RALGPS2: variants seen among roughly 807,000 people sequenced by gnomAD.
RALGPS2 encodes Ral GEF with PH domain and SH3 binding motif 2.
Under a neutral mutation model 86.8 loss-of-function variants are expected in RALGPS2, and 43 were observed. That is an observed-to-expected ratio of 0.50 (90% CI 0.39 to 0.64). The LOEUF (loss-of-function observed/expected upper bound fraction) is 0.64. Ranked by LOEUF, RALGPS2 falls within the 30% of genes least tolerant of loss-of-function variation. The pLI is 0.00. For missense variants in RALGPS2, 536 were observed against 694.6 expected (o/e 0.77, Z 2.57); for synonymous variants, 243 against 231.3 (o/e 1.05, Z -0.46).
At chr1:178,750,961 A>T (rs1366784619) in intron 1 of RALGPS2, among the ~76,000 whole-genome samples, 2 of 152,180 alleles carry the variant, frequency 1.3e-5, no homozygotes, top group Non-Finnish European at 2.9e-5. Flanking sequence ...CACAGTATTC[A>T]TACTTTGGGG....
At chr1:178,767,468 G>A (rs1652564603) in intron 1 of RALGPS2, among the ~76,000 whole-genome samples, 1 of 148,292 alleles carries the variant, frequency 6.7e-6, no homozygotes, top group South Asian at 2.1e-4. Context: ...GTCTGCTCTT[G>A]GGTTGTGAAG....
At chr1:178,751,269 T>C (rs1252357748) in intron 1 of RALGPS2, among the ~76,000 whole-genome samples, 3 of 152,096 alleles carry the variant, frequency 2.0e-5, no homozygotes, top group Non-Finnish European at 4.4e-5. Context: ...TTACCATAAA[T>C]TTCCCTTCCA....
intron 6 of RALGPS2, among the ~76,000 whole-genome samples, chr1:178,819,375 C>T (rs1655390745): frequency 6.6e-6 from 1 of 152,168 alleles, no homozygotes; most frequent in South Asian, 2.1e-4. Context: ...CACTAAGGTT[C>T]ACAGCAGGCA....
chr1:178,756,446 T>C (rs895596204), intron 1 of RALGPS2, among the ~76,000 whole-genome samples: 1 of 152,212 alleles, frequency 6.6e-6, no homozygotes, highest in Non-Finnish European at 1.5e-5. Context: ...TTGTTAACTT[T>C]ATACAAGATC....
At chr1:178,824,604 C>G (rs1437036034) in intron 7 of RALGPS2, among the ~76,000 whole-genome samples, 1 of 151,968 alleles carries the variant, frequency 6.6e-6, no homozygotes, top group Non-Finnish European at 1.5e-5. Flanking sequence ...GTCAGGAGAT[C>G]CAGACCATCC....
chr1:178,791,622 C>T (rs923154557), intron 4 of RALGPS2, among the ~76,000 whole-genome samples: 1 of 152,192 alleles, frequency 6.6e-6, no homozygotes, highest in Non-Finnish European at 1.5e-5. Flanking sequence ...ATAATGTAGA[C>T]AGTTTCTGAG....
chr1:178,854,530 T>G (rs1259124891), intron 8 of RALGPS2, among the ~76,000 whole-genome samples: 1 of 152,154 alleles, frequency 6.6e-6, no homozygotes, highest in Admixed American at 6.6e-5. Context: ...CCCATGAGAA[T>G]ACATTTCAGG....
intron 8 of RALGPS2, chr1:178,865,712 C>G: frequency 6.2e-7 from 1 of 1,613,682 alleles, no homozygotes; most frequent in Non-Finnish European, 8.5e-7. Context: ...TTGTCCACCT[C>G]TGCAATGTCC....
At chr1:178,848,765 T>G (rs1054518905) in intron 8 of RALGPS2, among the ~76,000 whole-genome samples, 3 of 152,096 alleles carry the variant, frequency 2.0e-5, no homozygotes, top group Non-Finnish European at 4.4e-5. Flanking sequence ...CCCGAGTAGC[T>G]GGGTTTACAG....
In RALGPS2 at chr1:178,917,460, A is replaced by T. The variant is rs1393776949; in HGVS notation, c.*1101A>T. On this transcript the variant is annotated 3_prime_UTR_variant, in exon 20 of 20. Coordinates refer to ENST00000367635, the MANE Select transcript of RALGPS2 (RefSeq NM_152663.5). ...TTTGTTTAAAAGGTAACACATAGAG[A>T]TGTATGTATATATTTTGTTATAAGA... The T allele has an allele frequency of 1.3e-5, 2 of 152,134 alleles. No homozygotes were observed. The highest frequency in any genetic ancestry group is 4.8e-5 in the African/African-American group (2 of 41,450). The allele number at this position is 152,134 out of a possible 1,614,324, so 9.4% of individuals were successfully genotyped here. A position where few individuals can be genotyped will look rare whatever the true frequency, so the allele number is the denominator to read the frequency against.
chr1:178,828,568 A>G (rs1655864521), intron 7 of RALGPS2, among the ~76,000 whole-genome samples: 1 of 152,244 alleles, frequency 6.6e-6, no homozygotes, highest in East Asian at 1.9e-4. Context: ...AACTCAGACA[A>G]TGTGATAACA....
Position 178,902,178 on chromosome 1 carries a change from C to G in RALGPS2, c.1597C>G (p.Pro533Ala). 1.2e-6 allele frequency: 2 copies of G among 1,612,982 alleles called. No homozygotes were observed. The highest frequency in any genetic ancestry group is 1.7e-6 in the Non-Finnish European group (2 of 1,179,192). ...MVMMADDPEH[P>A]DLFLLTDSEK... ...GATGATGGCTGATGACCCTGAACAT[C>G]CTGATCTCTTCCTGCTGACTGACTC... is the stretch of plus-strand genomic sequence containing the variant. The change falls in exon 18 of 20, where the codon CCT (proline) becomes GCT (alanine). Residue 533 changes from proline (P) to alanine (A), a missense_variant. Pro to Ala is a conservative substitution (Grantham distance 27). This residue lies in a region of RALGPS2 where 309 missense variants were observed against 363.0 expected (regional missense o/e 0.85). Transcript: ENST00000367635.
At chr1:178,819,714 A>G (rs1183574483) in intron 6 of RALGPS2, among the ~76,000 whole-genome samples, 1 of 152,084 alleles carries the variant, frequency 6.6e-6, no homozygotes, top group Non-Finnish European at 1.5e-5. Flanking sequence ...CAATATTTTT[A>G]ATTATTTTCA....
intron 7 of RALGPS2, among the ~76,000 whole-genome samples, chr1:178,828,918 A>G (rs1229177324): frequency 6.6e-6 from 1 of 152,200 alleles, no homozygotes; most frequent in Non-Finnish European, 1.5e-5. Flanking sequence ...CCCATTTCTG[A>G]GTATGTGTCC....
chr1:178,764,906 C>A (rs1224411365), intron 1 of RALGPS2, among the ~76,000 whole-genome samples: 1 of 152,062 alleles, frequency 6.6e-6, no homozygotes, highest in East Asian at 1.9e-4. Context: ...TGGTTTAGCA[C>A]CATCCTGCTA....
At chr1:178,806,079 A>T (rs1335236387) in intron 4 of RALGPS2, among the ~76,000 whole-genome samples, 2 of 151,348 alleles carry the variant, frequency 1.3e-5, no homozygotes, top group Non-Finnish European at 2.9e-5. Context: ...GAGGATTCCC[A>T]ATATATATAT....
At chr1:178,870,898 C>CT (rs1207872390) in intron 8 of RALGPS2, 2 of 152,010 alleles carry the variant, frequency 1.3e-5, no homozygotes, top group Non-Finnish European at 2.9e-5. Flanking sequence ...CTTCTTTTTC[C>CT]TTTTACAATA....
chr1:178,751,685 G>A (rs1329435105), intron 1 of RALGPS2, among the ~76,000 whole-genome samples: 2 of 152,074 alleles, frequency 1.3e-5, no homozygotes, highest in East Asian at 1.9e-4. Context: ...GGTGGCCTCC[G>A]GAACTTATGC....
At position 178,916,665 on chromosome 1, in the gene RALGPS2, A is replaced by G; in HGVS notation, c.*306A>G. 3.0e-6 allele frequency: 1 copy of G among 337,214 alleles called. No homozygotes were observed. Among genetic ancestry groups the G allele is most frequent in the Non-Finnish European group, 5.3e-6 (1 of 188,440 alleles). 20.9% of individuals were successfully genotyped at this position (337,214 alleles called of 1,614,324 possible). A position where few individuals can be genotyped will look rare whatever the true frequency, so the allele number is the denominator to read the frequency against. ...ATGAAACACCAAATAGTGTGTGTGAATCTTCTGGCGGTGCTGTGCTTGGAA... is the reference window on the plus strand; with the variant it reads ...ATGAAACACCAAATAGTGTGTGTGAGTCTTCTGGCGGTGCTGTGCTTGGAA... On this transcript the variant is annotated 3_prime_UTR_variant, in exon 20 of 20. Coordinates refer to ENST00000367635, the MANE Select transcript of RALGPS2 (RefSeq NM_152663.5).
Sources: allele counts gnomAD v4.1 joint callset (sites outside exome capture counted in the v4.1 genomes callset), GRCh38; gene constraint gnomAD v4.1.1; regional missense constraint gnomAD v4.1.1; transcripts MANE v1.5; gene names NCBI Gene and HGNC (gene_info 2026-07-23, HGNC 2026-07-21).